The following ZDHHC18 variants were observed in gnomAD, a reference collection of about 807,000 sequenced individuals.
ZDHHC18 encodes the protein palmitoyltransferase ZDHHC18.
Under a neutral mutation model 37.5 loss-of-function variants are expected in ZDHHC18, and 23 were observed. The observed-to-expected ratio is 0.61, with a 90% CI of 0.44 to 0.87. The LOEUF (loss-of-function observed/expected upper bound fraction) is 0.87. Among genes scored for constraint, ZDHHC18 ranks in the 40% least tolerant of loss-of-function variants. ZDHHC18 has a pLI of 0.00. For synonymous variants in ZDHHC18, 185 were observed against 218.7 expected (o/e 0.85, Z 1.36); for missense variants, 406 against 525.6 (o/e 0.77, Z 2.22).
intron 3 of ZDHHC18, among the ~76,000 whole-genome samples, chr1:26,849,766 C>T (rs548602459): frequency 3.5e-4 from 54 of 152,182 alleles, no homozygotes; most frequent in Non-Finnish European, 6.8e-4. Context: ...GAGCAGGAGA[C>T]GGGTTGTTGA....
chr1:26,853,973 C>CTGCGTGGCTTTCCCTGAACTGT lies in ZDHHC18; in HGVS notation c.*132_*153dup, dbSNP rs2081720647. ...AGTCTTTTCATATTTATTTCCCATC[C>CTGCGTGGCTTTCCCTGAACTGT]TGCGTGGCTTTCCCTGAACTGTTCC... is the stretch of plus-strand genomic sequence containing the variant. On this transcript the variant is annotated 3_prime_UTR_variant, in exon 8 of 8. Transcript: ENST00000374142. The CTGCGTGGCTTTCCCTGAACTGT allele has an allele frequency of 2.3e-6, 2 of 864,708 alleles. No individual in the cohort carries two copies. Among genetic ancestry groups the CTGCGTGGCTTTCCCTGAACTGT allele is most frequent in the African/African-American group, 3.3e-5 (2 of 59,830 alleles). 53.6% of individuals were successfully genotyped at this position (864,708 alleles called of 1,614,324 possible).
chr1:26,833,991 C>T (rs1401118998), intron 2 of ZDHHC18, among the ~76,000 whole-genome samples: 1 of 152,166 alleles, frequency 6.6e-6, no homozygotes, highest in African/African-American at 2.4e-5. Context: ...GGGCCACCTC[C>T]TCTCACCTAC....
At position 26,853,910 on chromosome 1, in the gene ZDHHC18, C is replaced by T; in HGVS notation, c.*67C>T. ...CCGCACTCACCTGCCGGGACCCTCCCTATTCCATCCAAGGGAAGCAGAACT... is the reference window on the plus strand; with the variant it reads ...CCGCACTCACCTGCCGGGACCCTCCTTATTCCATCCAAGGGAAGCAGAACT... On this transcript the variant is annotated 3_prime_UTR_variant, in exon 8 of 8. Transcript: ENST00000374142. 5 of 1,371,082 alleles carry T rather than the reference C, an allele frequency of 3.6e-6. No homozygotes were observed. The highest frequency in any genetic ancestry group is 2.4e-5 in the South Asian group (2 of 84,744). 84.9% of individuals were successfully genotyped at this position (1,371,082 alleles called of 1,614,324 possible).
At chr1:26,849,214 CG>C (rs920889099) in intron 3 of ZDHHC18, among the ~76,000 whole-genome samples, 6 of 152,172 alleles carry the variant, frequency 3.9e-5, no homozygotes, top group Non-Finnish European at 8.8e-5. Flanking sequence ...GCAACAGAGG[CG>C]TTTAAGCTGA....
intron 2 of ZDHHC18, among the ~76,000 whole-genome samples, chr1:26,843,415 A>G (rs1272568747): frequency 6.6e-6 from 1 of 150,492 alleles, no homozygotes; most frequent in Non-Finnish European, 1.5e-5. Flanking sequence ...TGCTGGGATT[A>G]CAGGCGTGAG....
At chr1:26,838,667 A>T (rs1314855496) in intron 2 of ZDHHC18, among the ~76,000 whole-genome samples, 1 of 152,248 alleles carries the variant, frequency 6.6e-6, no homozygotes, top group African/African-American at 2.4e-5. Context: ...TCAGCTTCTT[A>T]AGTTTACAGG....
rs2081713300 is a variant in ZDHHC18 at position 26,852,862 on chromosome 1, C to A, written c.1046C>A (p.Pro349His). 6.2e-7 allele frequency: 1 copy of A among 1,613,652 alleles called. No individual in the cohort carries two copies. The highest frequency in any genetic ancestry group is 1.3e-5 in the African/African-American group (1 of 74,890). Residue 349 changes from proline to histidine, a missense_variant, in exon 7 of 8, where the codon CCC becomes CAC. Pro to His is a moderately conservative substitution (Grantham distance 77). Coordinates refer to ENST00000374142, the MANE Select transcript of ZDHHC18 (RefSeq NM_032283.3). ...CCAVLCGPLPPSLIDRRGFVQ... is the reference protein window; with the variant it reads ...CCAVLCGPLPHSLIDRRGFVQ... ...GCTGTGCTCTGTGGCCCCCTACCTC[C>A]CAGGTAAGTGAGCGGGGTGCGGAAG...
At chr1:26,829,026 C>T (rs2081571928) in intron 1 of ZDHHC18, among the ~76,000 whole-genome samples, 3 of 152,124 alleles carry the variant, frequency 2.0e-5, no homozygotes, top group Admixed American at 6.5e-5. Context: ...GTTTTGTCCC[C>T]AGCGAGGGAG....
At position 26,848,591 on chromosome 1, in the gene ZDHHC18, TCTC is replaced by T; in HGVS notation, c.497-11_497-9del. 1.9e-6 allele frequency: 3 copies of T among 1,602,892 alleles called. No homozygotes were observed. Among genetic ancestry groups the T allele is most frequent in the Non-Finnish European group, 2.6e-6 (3 of 1,170,590 alleles). On this transcript the variant is annotated splice_polypyrimidine_tract_variant and intron_variant, in intron 2 of 7. Transcript: ENST00000374142. ...CTGCCTTGGGCATTCCCCATCTTTC[TCTC>T]CTCCTTCCCTCAGACAACACAGGCA... is the stretch of plus-strand genomic sequence containing the variant.
intron 1 of ZDHHC18, among the ~76,000 whole-genome samples, chr1:26,827,392 C>T (rs1264009335): frequency 1.3e-5 from 2 of 151,480 alleles, no homozygotes; most frequent in Non-Finnish European, 2.9e-5. Flanking sequence ...CCCAGCCCCT[C>T]CATTCTCCCT....
chr1:26,832,965 C>G (rs1346893015), intron 2 of ZDHHC18, among the ~76,000 whole-genome samples: 1 of 152,180 alleles, frequency 6.6e-6, no homozygotes, highest in Non-Finnish European at 1.5e-5. Context: ...TTAATTAAAT[C>G]AAGGCAAAAG....
At chr1:26,829,449 C>A (rs1409122134) in intron 1 of ZDHHC18, among the ~76,000 whole-genome samples, 2 of 152,148 alleles carry the variant, frequency 1.3e-5, no homozygotes, top group Non-Finnish European at 2.9e-5. Flanking sequence ...TGGGCCAGTG[C>A]TTGGAATCCC....
At chr1:26,851,103 C>A (rs1265533140) in intron 5 of ZDHHC18, 26 bp from the exon 6 acceptor site, 1 of 1,605,220 alleles carries the variant, frequency 6.2e-7, no homozygotes, top group South Asian at 1.1e-5. Context: ...CACCCTCCAC[C>A]CATTGAAGTC....
intron 2 of ZDHHC18, among the ~76,000 whole-genome samples, chr1:26,845,635 A>AT (rs1467004056): frequency 6.6e-6 from 1 of 151,378 alleles, no homozygotes; most frequent in Non-Finnish European, 1.5e-5. Context: ...GCCCGGCCTC[A>AT]TTCTTTTTTT....
intron 2 of ZDHHC18, among the ~76,000 whole-genome samples, chr1:26,841,459 A>C (rs1300592172): frequency 6.6e-6 from 1 of 152,150 alleles, no homozygotes; most frequent in African/African-American, 2.4e-5. Flanking sequence ...TTAGCAGATG[A>C]TGGCACAGAG....
At chr1:26,832,402 G>T (rs1459825675) in intron 1 of ZDHHC18, 45 bp from the exon 2 acceptor site, 8 of 1,607,436 alleles carry the variant, frequency 5.0e-6, no homozygotes. Flanking sequence ...GTGCCGCAGG[G>T]AGCCCTTGGG....
intron 2 of ZDHHC18, among the ~76,000 whole-genome samples, chr1:26,844,050 GT>G (rs1049726420): frequency 1.3e-5 from 2 of 151,808 alleles, no homozygotes; most frequent in Non-Finnish European, 2.9e-5. Context: ...GTTTTGTTTT[GT>G]TTTTTTGTGA....
intron 1 of ZDHHC18, among the ~76,000 whole-genome samples, chr1:26,829,054 G>A (rs1206787658): frequency 6.6e-6 from 1 of 152,176 alleles, no homozygotes; most frequent in Non-Finnish European, 1.5e-5. Flanking sequence ...GGACTTCTGG[G>A]TTTGGGGAGA....
At chr1:26,851,789 C>T (rs2124268656) in intron 6 of ZDHHC18, among the ~76,000 whole-genome samples, 2 of 152,308 alleles carry the variant, frequency 1.3e-5, no homozygotes, top group South Asian at 4.1e-4. Flanking sequence ...GTCCTGGCTG[C>T]CCCTCTCAAT....
Sources: allele counts gnomAD v4.1 joint callset (sites outside exome capture counted in the v4.1 genomes callset), GRCh38; gene constraint gnomAD v4.1.1; transcripts MANE v1.5; gene names NCBI Gene and HGNC (gene_info 2026-07-23, HGNC 2026-07-21).